Variants in AOX1 observed in about 807,000 individuals in gnomAD.
AOX1 encodes aldehyde oxidase.
AOX1 carries 153 observed loss-of-function variants against 169.5 expected under a neutral mutation model. The observed-to-expected ratio is 0.90, with a 90% CI of 0.79 to 1.03. AOX1 has a LOEUF of 1.03. AOX1 is among the 50% of genes least tolerant of loss of function. AOX1 has a pLI of 0.00. For synonymous variants in AOX1, 562 were observed against 581.9 expected, an observed-to-expected ratio of 0.97 and a Z score of 0.49; for missense variants, 1,656 against 1,663.9, an observed-to-expected ratio of 1.00 and a Z score of 0.08.
intron 15 of AOX1, 76 bp downstream of exon 15, chr2:200,614,042 C>G: frequency 7.5e-7 from 1 of 1,336,054 alleles, no homozygotes; most frequent in Non-Finnish European, 1.0e-6. Context: ...CAATGACTCC[C>G]TACCAAATAG....
At chr2:200,679,713 C>T (rs1459790580), downstream of AOX1, among the ~76,000 whole-genome samples, 3 of 151,908 alleles carry the variant, frequency 2.0e-5, no homozygotes, top group African/African-American at 4.8e-5. Flanking sequence ...GGAATTTCTC[C>T]CTAGGAATGC....
intron 15 of AOX1, among the ~76,000 whole-genome samples, chr2:200,614,612 A>G (rs2034713582): frequency 6.6e-6 from 1 of 152,226 alleles, no homozygotes; most frequent in African/African-American, 2.4e-5. Flanking sequence ...CATTAGACCC[A>G]AAGGAGACTT....
intron 20 of AOX1, among the ~76,000 whole-genome samples, chr2:200,633,471 C>T (rs2035169191): frequency 6.6e-6 from 1 of 151,792 alleles, no homozygotes; most frequent in African/African-American, 2.4e-5. Flanking sequence ...CTCTGTTCTC[C>T]CTATTCTGTT....
At chr2:200,657,165 A>AAAAAAAAAAATAT (rs1179205121) in intron 27 of AOX1, among the ~76,000 whole-genome samples, 16 of 88,368 alleles carry the variant, frequency 1.8e-4, no homozygotes, top group Admixed American at 1.4e-3. Flanking sequence ...CTCTACCAAA[A>AAAAAAAAAAATAT]ATATATATAT....
In AOX1 at chr2:200,671,262, A is replaced by G. The variant is rs1346048374; in HGVS notation, c.*583A>G. On this transcript the variant is annotated 3_prime_UTR_variant, in exon 35 of 35. Coordinates refer to ENST00000374700, the MANE Select transcript of AOX1 (RefSeq NM_001159.4). Reference sequence around the variant, plus strand: ...GGAAACCCACAGAATAGGATAAAATATTTGTAAATCATATATTTGATAAAA... The same window carrying G: ...GGAAACCCACAGAATAGGATAAAATGTTTGTAAATCATATATTTGATAAAA... 7.5e-6 allele frequency: 1 copy of G among 133,456 alleles called. No homozygotes were observed. Among genetic ancestry groups the G allele is most frequent in the African/African-American group, 2.6e-5 (1 of 38,668 alleles). 8.3% of individuals were successfully genotyped at this position (133,456 alleles called of 1,614,324 possible).
downstream of AOX1, chr2:200,679,212 A>G (rs2036133475): frequency 6.6e-6 from 1 of 152,220 alleles, no homozygotes; most frequent in Non-Finnish European, 1.5e-5. Flanking sequence ...TATCAAAGTA[A>G]TTACTATTAT....
At chr2:200,659,870 G>A in intron 28 of AOX1, 125 bp from the exon 29 acceptor site, 1 of 696,386 alleles carries the variant, frequency 1.4e-6, no homozygotes, top group Non-Finnish European at 2.4e-6. Context: ...TTCATACAGG[G>A]TTGGTGTCTT....
chr2:200,599,839 C>T (rs1462916027), intron 5 of AOX1, 93 bp downstream of exon 5: 22 of 1,109,950 alleles, frequency 2.0e-5, no homozygotes, highest in African/African-American at 6.5e-5. Flanking sequence ...GGCTGGAGGG[C>T]GGCGGCGCAA....
intron 5 of AOX1, among the ~76,000 whole-genome samples, chr2:200,600,123 C>T (rs904807834): frequency 1.3e-5 from 2 of 152,200 alleles, no homozygotes; most frequent in African/African-American, 4.8e-5. Context: ...TTCAAAGTTA[C>T]ACCCCCAATA....
chr2:200,588,726 C>CTTTGTTTTTTTTTTTTTTTTTTTTT (rs2034096184), intron 1 of AOX1, among the ~76,000 whole-genome samples: 1 of 53,986 alleles, frequency 1.9e-5, no homozygotes, highest in Non-Finnish European at 3.9e-5. Context: ...CTAGAATAAG[C>CTTTGTTTTTTTTTTTTTTTTTTTTT]TTTTTTTTTT....
chr2:200,667,451 AC>A (rs1158644323), intron 32 of AOX1, among the ~76,000 whole-genome samples: 3 of 63,370 alleles, frequency 4.7e-5, no homozygotes, highest in Non-Finnish European at 6.7e-5. Context: ...CCTCCCCCCC[AC>A]CCCCCGCCCC....
At chr2:200,587,824 T>C (rs550381468) in intron 1 of AOX1, among the ~76,000 whole-genome samples, 1 of 152,332 alleles carries the variant, frequency 6.6e-6, no homozygotes, top group Non-Finnish European at 1.5e-5. Context: ...CTAATTCTGA[T>C]TGAGAAAACC....
At chr2:200,626,507 C>T (rs2035009288) in intron 19 of AOX1, among the ~76,000 whole-genome samples, 1 of 152,234 alleles carries the variant, frequency 6.6e-6, no homozygotes, top group Admixed American at 6.5e-5. Flanking sequence ...AAGATAAATT[C>T]TCAGGGATAG....
chr2:200,630,211 A>T (rs1355630600), intron 20 of AOX1, among the ~76,000 whole-genome samples: 2 of 33,584 alleles, frequency 6.0e-5, no homozygotes, highest in Non-Finnish European at 9.6e-5. Context: ...CCTTCTATTT[A>T]AAAAAAAAAA....
intron 26 of AOX1, among the ~76,000 whole-genome samples, chr2:200,655,529 T>G (rs1018153700): frequency 6.6e-6 from 1 of 152,190 alleles, no homozygotes; most frequent in Non-Finnish European, 1.5e-5. Flanking sequence ...TATGCCTTCC[T>G]CAAGAGTCTA....
rs551960515 is a variant in AOX1 at position 200,624,619 on chromosome 2, G to T, written c.2124+636G>T. On this transcript the variant is annotated intron_variant, in intron 19 of 34. Transcript: ENST00000374700. The stretch of plus-strand genomic sequence containing the variant: ...TCCATGAAGTGAGTGTCAGAGACAC[G>T]ATTTTTAGATTTTTCAAGAGATAAG... Among the ~76,000 whole-genome samples the T allele has an allele frequency of 7.2e-5, 11 of 152,314 alleles. No individual in the cohort carries two copies. The South Asian group carries it at 2.3e-3, about 32-fold the overall frequency.
chr2:200,604,545 C>T (rs1236830372), intron 8 of AOX1, 151 bp from the exon 9 acceptor site: 2 of 826,254 alleles, frequency 2.4e-6, no homozygotes, highest in African/African-American at 3.4e-5. Context: ...AATTCTAATT[C>T]CTTGTAAAGC....
chr2:200,627,557 C>T (rs2035032699), intron 20 of AOX1, 108 bp downstream of exon 20: 6 of 762,434 alleles, frequency 7.9e-6, no homozygotes, highest in Non-Finnish European at 1.1e-5. Flanking sequence ...GGGTGTTGCT[C>T]CTCAGGAACA....
At chr2:200,680,624 C>T (rs1354237865), downstream of AOX1, among the ~76,000 whole-genome samples, 1 of 152,188 alleles carries the variant, frequency 6.6e-6, no homozygotes, top group Non-Finnish European at 1.5e-5. Flanking sequence ...TGGCTCACTG[C>T]AACCTCCGCC....
Sources: gnomAD v4.1 joint callset for allele counts (sites outside exome capture counted in the v4.1 genomes callset) on GRCh38, gnomAD v4.1.1 for gene constraint, MANE v1.5 for transcripts, NCBI Gene and HGNC (gene_info 2026-07-23, HGNC 2026-07-21) for gene names.